CD96: variants seen among roughly 807,000 people sequenced by gnomAD.
The protein encoded by CD96 is T-cell surface protein tactile.
Under a neutral mutation model 71.3 loss-of-function variants are expected in CD96, and 70 were observed. The ratio of observed to expected loss-of-function variants is 0.98; its 90% confidence interval spans 0.81 to 1.20. The LOEUF (loss-of-function observed/expected upper bound fraction) is 1.20, where lower values mean the gene tolerates loss of function less well. Ranked by LOEUF, CD96 falls within the 50% of genes most tolerant of loss-of-function variation. The probability of loss-of-function intolerance (pLI) is 0.00; values close to 1 mark genes in which losing one functional copy is unlikely to be tolerated. For missense variants in CD96, 742 were observed against 677.5 expected, an observed-to-expected ratio of 1.10 and a Z score of -1.06; for synonymous variants, 248 against 233.0, an observed-to-expected ratio of 1.06 and a Z score of -0.59.
intron 4 of CD96, among the ~76,000 whole-genome samples, chr3:111,584,447 C>T (rs1204463903): frequency 6.6e-6 from 1 of 152,188 alleles, no homozygotes; most frequent in African/African-American, 2.4e-5. Flanking sequence ...TTCAGCAACA[C>T]TCGACTGTAC....
At chr3:111,579,880 A>C (rs1438928885) in intron 4 of CD96, among the ~76,000 whole-genome samples, 1 of 152,230 alleles carries the variant, frequency 6.6e-6, no homozygotes, top group Non-Finnish European at 1.5e-5. Context: ...TGGAGTGGAC[A>C]TTCAAACCAT....
chr3:111,581,671 T>C (rs1247573510), intron 4 of CD96, among the ~76,000 whole-genome samples: 1 of 152,220 alleles, frequency 6.6e-6, no homozygotes, highest in Non-Finnish European at 1.5e-5. Flanking sequence ...CCAAATCTGA[T>C]TGTCCTCAAC....
chr3:111,622,405 AT>A (rs1231022817), intron 8 of CD96, among the ~76,000 whole-genome samples: 1 of 152,218 alleles, frequency 6.6e-6, no homozygotes, highest in Non-Finnish European at 1.5e-5. Context: ...TCTTCTAAGT[AT>A]TTTATATGTA....
chr3:111,649,474 G>T (rs1236936887), intron 13 of CD96, among the ~76,000 whole-genome samples: 2 of 152,214 alleles, frequency 1.3e-5, no homozygotes, highest in Admixed American at 6.5e-5. Context: ...ATAATGTTAT[G>T]ATAAAAATTC....
intron 10 of CD96, chr3:111,634,995 T>A (rs939130218): frequency 6.5e-6 from 1 of 153,092 alleles, no homozygotes; most frequent in African/African-American, 2.4e-5. Context: ...ATTCTGAAAA[T>A]TAGATCCCTA....
chr3:111,585,262 A>C (rs982027583), intron 4 of CD96, 61 bp from the exon 5 acceptor site: 6 of 924,002 alleles, frequency 6.5e-6, no homozygotes, highest in Non-Finnish European at 1.1e-5. Context: ...ACACATACAC[A>C]CACTAGTGGC....
At chr3:111,616,191 T>C (rs1180546406) in intron 8 of CD96, among the ~76,000 whole-genome samples, 1 of 152,202 alleles carries the variant, frequency 6.6e-6, no homozygotes, top group Non-Finnish European at 1.5e-5. Context: ...AGGGCAGTGT[T>C]TTTTATCTTA....
At chr3:111,578,793 C>T (rs1302544447) in intron 3 of CD96, among the ~76,000 whole-genome samples, 1 of 152,194 alleles carries the variant, frequency 6.6e-6, no homozygotes, top group African/African-American at 2.4e-5. Flanking sequence ...GAAGGAGAAG[C>T]TCTAGTCAGA....
At chr3:111,557,873 T>A (rs1286474410) in intron 2 of CD96, among the ~76,000 whole-genome samples, 1 of 137,796 alleles carries the variant, frequency 7.3e-6, no homozygotes, top group Non-Finnish European at 1.6e-5. Flanking sequence ...GTATCCTCTT[T>A]TATTTCGTTG....
At chr3:111,586,499 T>C (rs956022175) in intron 5 of CD96, among the ~76,000 whole-genome samples, 4 of 152,188 alleles carry the variant, frequency 2.6e-5, no homozygotes, top group Non-Finnish European at 5.9e-5. Flanking sequence ...GGTAACTGCT[T>C]GTATTAGTCC....
At chr3:111,569,992 A>G (rs1263010921) in intron 3 of CD96, among the ~76,000 whole-genome samples, 1 of 142,440 alleles carries the variant, frequency 7.0e-6, no homozygotes, top group Non-Finnish European at 1.5e-5. Context: ...CACAGTCTGT[A>G]TGAGGCTCAC....
intron 8 of CD96, among the ~76,000 whole-genome samples, chr3:111,618,616 G>A (rs918935698): frequency 3.0e-5 from 4 of 131,560 alleles, no homozygotes; most frequent in Admixed American, 8.7e-5. Context: ...ACAGAGTCTC[G>A]CTCTGTTGCC....
chr3:111,593,558 A>G lies in CD96; in HGVS notation c.808-4562A>G, dbSNP rs756992935. On this transcript the variant is annotated intron_variant, in intron 5 of 13. Transcript: ENST00000352690. Reference sequence around the variant, plus strand: ...TCCAAGCCCAATTTAAACAAAATGGAAGGGATGTACTGCTGCAGGCAGCTC... The same window carrying G: ...TCCAAGCCCAATTTAAACAAAATGGGAGGGATGTACTGCTGCAGGCAGCTC... 3 of 1,515,804 alleles carry G rather than the reference A, an allele frequency of 2.0e-6. No homozygotes were observed. The African/African-American group carries it at 4.2e-5, about 21-fold the overall frequency. 93.9% of individuals were successfully genotyped at this position (1,515,804 alleles called of 1,614,324 possible).
rs531771176 is a variant in CD96 at position 111,585,479 on chromosome 3, G to A, written c.807+101G>A. ...GTTCTCTCAAAGAACTTTACTCCTT[G>A]GCCCTTGACCAATTAACTGCTAATA... On this transcript the variant is annotated intron_variant, in intron 5 of 13. Transcript: ENST00000352690. 1.0e-5 allele frequency: 8 copies of A among 774,648 alleles called. No individual in the cohort carries two copies. The East Asian group carries it at 1.6e-4, about 15-fold the overall frequency. 48.0% of individuals were successfully genotyped at this position (774,648 alleles called of 1,614,324 possible).
chr3:111,636,749 A>G (rs975530583), intron 10 of CD96, among the ~76,000 whole-genome samples: 16 of 152,232 alleles, frequency 1.1e-4, no homozygotes, highest in African/African-American at 3.9e-4. Flanking sequence ...CAAGACTGTC[A>G]GCTGACCCAC....
intron 2 of CD96, among the ~76,000 whole-genome samples, chr3:111,551,426 T>C (rs561321395): frequency 3.9e-5 from 6 of 152,220 alleles, no homozygotes; most frequent in African/African-American, 1.4e-4. Flanking sequence ...AAACGGAGTG[T>C]GATTGGGAGA....
At position 111,545,937 on chromosome 3, in the gene CD96, A is replaced by G. The variant is rs114642681; in HGVS notation, c.418+535A>G. ...TTTGATCTCAGAACCATAAGAAGAC[A>G]TGGAAGTATTTCCAACAAAAGGATG... On this transcript the variant is annotated intron_variant, in intron 2 of 13. Transcript: ENST00000352690. 4.9e-3 allele frequency among the ~76,000 whole-genome samples: 740 copies of G among 152,256 alleles called. 6 individuals are homozygous for G. The highest frequency in any genetic ancestry group is 0.017 in the African/African-American group (698 of 41,546).
intron 5 of CD96, among the ~76,000 whole-genome samples, chr3:111,591,749 A>T (rs192706889): frequency 8.0e-4 from 122 of 152,312 alleles, no homozygotes; most frequent in Non-Finnish European, 1.1e-3. Context: ...GACAAATGAA[A>T]TCTTTAATAT....
chr3:111,641,433 T>TTTTTACCATTATCACAATTCTA, intron 12 of CD96, among the ~76,000 whole-genome samples: 2 of 152,316 alleles, frequency 1.3e-5, no homozygotes, highest in Admixed American at 1.3e-4. Context: ...AGGCCTTGTC[T>TTTTTACCATTATCACAATTCTA]AACAGGAAAA....
Sources: allele counts gnomAD v4.1 joint callset (sites outside exome capture counted in the v4.1 genomes callset), GRCh38; gene constraint gnomAD v4.1.1; transcripts MANE v1.5; gene names NCBI Gene and HGNC (gene_info 2026-07-23, HGNC 2026-07-21).